KCNQ1: variants seen among roughly 807,000 people sequenced by gnomAD.
The protein encoded by KCNQ1 is potassium voltage-gated channel subfamily KQT member 1.
A neutral mutation model predicts 72.4 loss-of-function variants in KCNQ1; 49 were observed. That is an observed-to-expected ratio of 0.68 (90% CI 0.54 to 0.86). KCNQ1 has a LOEUF of 0.86. Ranked by LOEUF, KCNQ1 falls within the 40% of genes least tolerant of loss-of-function variation. The pLI is 0.00. For missense variants in KCNQ1, 790 were observed against 945.1 expected (o/e 0.84, Z 2.15); for synonymous variants, 450 against 412.6 (o/e 1.09, Z -1.10).
intron 11 of KCNQ1, among the ~76,000 whole-genome samples, chr11:2,700,842 G>A (rs1369056342): frequency 1.4e-5 from 2 of 146,772 alleles, no homozygotes; most frequent in South Asian, 2.4e-4. Flanking sequence ...CGTCCCCTCC[G>A]CGCCGCTGGC....
intron 15 of KCNQ1, among the ~76,000 whole-genome samples, chr11:2,812,695 G>T (rs936787307): frequency 6.6e-6 from 1 of 152,178 alleles, no homozygotes; most frequent in Non-Finnish European, 1.5e-5. Flanking sequence ...GCCCCCCATG[G>T]CCTCCCTCTT....
rs574519645 is a variant in KCNQ1, at chr11:2,574,467, G to A, written c.921+1481G>A. Reference sequence around the variant, plus strand: ...GCCTGGGGGCCGCACGGGGGCTGGAGGTGGGGGCGGGCAGGGCAGCCGTGG... The same window carrying A: ...GCCTGGGGGCCGCACGGGGGCTGGAAGTGGGGGCGGGCAGGGCAGCCGTGG... On this transcript the variant is annotated intron_variant, in intron 6 of 15. Coordinates refer to ENST00000155840, the MANE Select transcript of KCNQ1 (RefSeq NM_000218.3). Among the ~76,000 whole-genome samples, 189 of 152,290 alleles carry A rather than the reference G, an allele frequency of 1.2e-3. 1 individual carries two copies. The highest frequency in any genetic ancestry group is 4.4e-3 in the African/African-American group (184 of 41,558).
In KCNQ1 at chr11:2,541,860, T is replaced by C. The variant is rs117427277; in HGVS notation, c.477+13842T>C. Among the ~76,000 whole-genome samples the C allele has an allele frequency of 0.011, 1,675 of 152,300 alleles. 28 individuals are homozygous for C. The highest frequency in any genetic ancestry group is 0.038 in the Admixed American group (583 of 15,304). ...CAGAGGCGCTGAGGCCCAGGTCCTG[T>C]GGCTGGTCCTCGCATAGACATCAGC... On this transcript the variant is annotated intron_variant, in intron 2 of 15. Transcript: ENST00000155840. The surrounding 1 kb of genome is among the most constrained non-coding windows in gnomAD (Gnocchi z 4.8).
chr11:2,494,834 C>T lies in KCNQ1; in HGVS notation c.387-33094C>T, dbSNP rs1420454944. 6.6e-6 allele frequency among the ~76,000 whole-genome samples: 1 copy of T among 152,124 alleles called. No homozygotes were observed. The highest frequency in any genetic ancestry group is 1.5e-5 in the Non-Finnish European group (1 of 68,030). On this transcript the variant is annotated intron_variant, in intron 1 of 15. Coordinates refer to ENST00000155840, the MANE Select transcript of KCNQ1 (RefSeq NM_000218.3). The surrounding 1 kb of genome is among the most constrained non-coding windows in gnomAD (Gnocchi z 4.6). ...GTGTGTCGCTGCCAAATTTTGGTAT[C>T]AGGATGATGCTGGCCTCATAAAATG... is the stretch of plus-strand genomic sequence containing the variant.
intron 3 of KCNQ1, 55 bp downstream of exon 3, chr11:2,570,809 C>T: frequency 1.2e-6 from 2 of 1,601,206 alleles, no homozygotes; most frequent in East Asian, 2.2e-5. Flanking sequence ...CCAGGAAGGA[C>T]CCCCACCTCA....
chr11:2,606,185 T>A (rs976817095), intron 10 of KCNQ1, among the ~76,000 whole-genome samples: 2 of 152,232 alleles, frequency 1.3e-5, no homozygotes, highest in African/African-American at 4.8e-5. Flanking sequence ...TTTTTGACAG[T>A]GTGTAGAAAT....
chr11:2,724,555 T>C lies in KCNQ1; in HGVS notation c.1515-44289T>C, dbSNP rs1845725124. Reference sequence around the variant, plus strand: ...TGCACTGAGGGCAGAAGGGGCCTTGTCACCTAGGAAGGACCCCACTAGGAA... The same window carrying C: ...TGCACTGAGGGCAGAAGGGGCCTTGCCACCTAGGAAGGACCCCACTAGGAA... On this transcript the variant is annotated intron_variant, in intron 11 of 15. Coordinates refer to ENST00000155840, the MANE Select transcript of KCNQ1 (RefSeq NM_000218.3). This position sits in a 1 kb window ranked among gnomAD's most constrained non-coding sequence, Gnocchi z 6.8. 6.6e-6 allele frequency among the ~76,000 whole-genome samples: 1 copy of C among 152,124 alleles called. No homozygotes were observed. The highest frequency in any genetic ancestry group is 1.9e-4 in the East Asian group (1 of 5,182).
intron 11 of KCNQ1, among the ~76,000 whole-genome samples, chr11:2,761,881 G>T (rs559476507): frequency 6.6e-6 from 1 of 152,374 alleles, no homozygotes; most frequent in East Asian, 1.9e-4. Flanking sequence ...TAGGGAGTTG[G>T]CAGGAGGGGA....
intron 11 of KCNQ1, chr11:2,696,703 T>C: frequency 2.5e-6 from 1 of 398,642 alleles, no homozygotes; most frequent in Non-Finnish European, 4.4e-6. Context: ...AAAATGTCTC[T>C]GCATATGGAA....
rs1263113957 is a variant in KCNQ1, at chr11:2,669,038, G to A, written c.1514+6957G>A. On this transcript the variant is annotated intron_variant, in intron 11 of 15. Coordinates refer to ENST00000155840, the MANE Select transcript of KCNQ1 (RefSeq NM_000218.3). The surrounding 1 kb of genome is among the most constrained non-coding windows in gnomAD (Gnocchi z 5.6). ...GGATATCCAGTCTAGCTCAGCACCCGGCATGGGAAGGCCCGTCCTCTCCCA... is the reference window on the plus strand; with the variant it reads ...GGATATCCAGTCTAGCTCAGCACCCAGCATGGGAAGGCCCGTCCTCTCCCA... The A allele has an allele frequency of 1.3e-5, 5 of 398,606 alleles. No homozygotes were observed. The highest frequency in any genetic ancestry group is 3.6e-5 in the East Asian group (1 of 28,080). The allele number at this position is 398,606 out of a possible 1,614,324, so 24.7% of individuals were successfully genotyped here.
rs1441417662 is a variant in KCNQ1 at position 2,538,436 on chromosome 11, A to G, written c.477+10418A>G. On this transcript the variant is annotated intron_variant, in intron 2 of 15. Transcript: ENST00000155840. The surrounding 1 kb of genome is among the most constrained non-coding windows in gnomAD (Gnocchi z 6.7). ...CAGCAGGCAGGCTGTCTCCACCACG[A>G]TGGACATCATTTATGCCCCAGCCAG... Among the ~76,000 whole-genome samples, 1 of 152,188 alleles carries G rather than the reference A, an allele frequency of 6.6e-6. No homozygotes were observed. Among genetic ancestry groups the G allele is most frequent in the Non-Finnish European group, 1.5e-5 (1 of 68,026 alleles).
chr11:2,795,726 G>A (rs1847115293), intron 15 of KCNQ1, among the ~76,000 whole-genome samples: 1 of 152,226 alleles, frequency 6.6e-6, no homozygotes, highest in African/African-American at 2.4e-5. Context: ...CTGCCATTTT[G>A]CAAGAAACAA....
chr11:2,777,930 C>G, intron 14 of KCNQ1, 46 bp from the exon 15 acceptor site: 1 of 1,587,878 alleles, frequency 6.3e-7, no homozygotes, highest in Non-Finnish European at 8.6e-7. Flanking sequence ...GGGTCCCCGG[C>G]CCACCCCAGC....
rs1847961426 is a variant in KCNQ1 at position 2,550,163 on chromosome 11, A to G, written c.478-20465A>G. Among the ~76,000 whole-genome samples the G allele has an allele frequency of 1.3e-5, 2 of 152,190 alleles. No individual in the cohort carries two copies. Among genetic ancestry groups the G allele is most frequent in the Non-Finnish European group, 2.9e-5 (2 of 68,012 alleles). On this transcript the variant is annotated intron_variant, in intron 2 of 15. Coordinates refer to ENST00000155840, the MANE Select transcript of KCNQ1 (RefSeq NM_000218.3). The surrounding 1 kb of genome is among the most constrained non-coding windows in gnomAD (Gnocchi z 6.0). ...AGCTGCCGAGCCCCGGCCTGGATGG[A>G]CATCCCGCAGGCAGTGCACGTCCCT...
At chr11:2,775,725 G>A (rs1846682224) in intron 12 of KCNQ1, among the ~76,000 whole-genome samples, 1 of 152,224 alleles carries the variant, frequency 6.6e-6, no homozygotes, top group African/African-American at 2.4e-5. Context: ...ACAGGAAGCT[G>A]GGACCCAGAG....
chr11:2,708,014 G>A (rs1850940138), intron 11 of KCNQ1, among the ~76,000 whole-genome samples: 2 of 152,232 alleles, frequency 1.3e-5, no homozygotes, highest in African/African-American at 4.8e-5. Flanking sequence ...GGTGTGGGCA[G>A]CCAACCTCCC....
At chr11:2,590,857 T>C (rs1848661950) in intron 10 of KCNQ1, among the ~76,000 whole-genome samples, 1 of 152,210 alleles carries the variant, frequency 6.6e-6, no homozygotes, top group Non-Finnish European at 1.5e-5. Flanking sequence ...AGCCAGGCCC[T>C]GCCTCAGTTG....
chr11:2,466,163 G>C (rs1165842052), intron 1 of KCNQ1, among the ~76,000 whole-genome samples: 1 of 152,220 alleles, frequency 6.6e-6, no homozygotes, highest in African/African-American at 2.4e-5. Context: ...AGCTGGAACA[G>C]TGACCTTCGT....
chr11:2,620,725 C>A lies in KCNQ1; in HGVS notation c.1393+31871C>A, dbSNP rs988537210. The A allele has an allele frequency of 2.5e-5, 10 of 398,450 alleles. No individual in the cohort carries two copies. The Admixed American group carries it at 4.0e-4, about 16-fold the overall frequency. 24.7% of individuals were successfully genotyped at this position (398,450 alleles called of 1,614,324 possible). ...ATATCCAGTAATGGGATTGCTGGGT[C>A]AGATGGTAGTTCTGTTTTCAGTTAT... On this transcript the variant is annotated intron_variant, in intron 10 of 15. Transcript: ENST00000155840. The surrounding 1 kb of genome is among the most constrained non-coding windows in gnomAD (Gnocchi z 4.5).
Sources: gnomAD v4.1 joint callset for allele counts (sites outside exome capture counted in the v4.1 genomes callset) on GRCh38, gnomAD v4.1.1 for gene constraint, Gnocchi (gnomAD v3.1) non-coding constraint, MANE v1.5 for transcripts, NCBI Gene and HGNC (gene_info 2026-07-23, HGNC 2026-07-21) for gene names.